Variants in NEGR1 observed in about 807,000 individuals in gnomAD.
NEGR1 encodes the protein IgLON family member 4.
A neutral mutation model predicts 40.9 loss-of-function variants in NEGR1; 10 were observed. The ratio of observed to expected loss-of-function variants is 0.24; its 90% CI spans 0.15 to 0.42. The LOEUF (loss-of-function observed/expected upper bound fraction) is 0.42. NEGR1 is among the 10% of genes least tolerant of loss of function. The pLI is 1.00. For missense variants in NEGR1, 352 were observed against 438.9 expected (o/e 0.80, Z 1.77); for synonymous variants, 185 against 166.8 (o/e 1.11, Z -0.84).
intron 6 of NEGR1, among the ~76,000 whole-genome samples, chr1:71,442,658 T>C (rs527653354): frequency 6.6e-6 from 1 of 152,240 alleles, no homozygotes; most frequent in African/African-American, 2.4e-5. Flanking sequence ...TTAATAAAAT[T>C]GAACATTTTC....
intron 3 of NEGR1, among the ~76,000 whole-genome samples, chr1:71,751,588 T>A (rs1655572059): frequency 6.6e-6 from 1 of 152,202 alleles, no homozygotes; most frequent in Non-Finnish European, 1.5e-5. Flanking sequence ...ACCCATTGGA[T>A]GTTAGTCAAA....
intron 1 of NEGR1, among the ~76,000 whole-genome samples, chr1:72,132,407 T>A (rs1478743542): frequency 2.0e-5 from 3 of 152,020 alleles, no homozygotes; most frequent in African/African-American, 7.2e-5. Context: ...CTTGGAAAAA[T>A]CCCTAAAAAT....
At chr1:72,098,657 T>A (rs1648806780) in intron 1 of NEGR1, among the ~76,000 whole-genome samples, 1 of 152,178 alleles carries the variant, frequency 6.6e-6, no homozygotes, top group Non-Finnish European at 1.5e-5. Flanking sequence ...ATTTTCCTAT[T>A]TTGAGTATCT....
chr1:71,835,429 T>C (rs1658992211), intron 2 of NEGR1, among the ~76,000 whole-genome samples: 1 of 152,158 alleles, frequency 6.6e-6, no homozygotes, highest in East Asian at 1.9e-4. Context: ...TGTTAGGATA[T>C]GCATAAGGGC....
In NEGR1 at chr1:72,238,242, A is replaced by C. The variant is rs1654623541; in HGVS notation, c.176+44077T>G. Among the ~76,000 whole-genome samples the C allele has an allele frequency of 2.0e-5, 3 of 151,892 alleles. 1 individual carries two copies. In the South Asian group the frequency reaches 6.2e-4, roughly 31 times the overall value. The stretch of plus-strand genomic sequence containing the variant: ...CCTTGGCACTGTGATGAGTGTTAAC[A>C]ATACCAAGCCCTGCCCTGAAGAATC... On this transcript the variant is annotated intron_variant, in intron 1 of 6. Coordinates refer to ENST00000357731, the MANE Select transcript of NEGR1 (RefSeq NM_173808.3).
intron 4 of NEGR1, among the ~76,000 whole-genome samples, chr1:71,622,494 C>T (rs187208064): frequency 4.2e-4 from 64 of 151,862 alleles, no homozygotes; most frequent in African/African-American, 9.9e-4. Context: ...AGATTAGAAA[C>T]GTGCAGACTC....
chr1:72,210,788 A>G (rs1473262005), intron 1 of NEGR1, among the ~76,000 whole-genome samples: 2 of 152,054 alleles, frequency 1.3e-5, no homozygotes, highest in East Asian at 3.9e-4. Flanking sequence ...ATGGTGAAAG[A>G]TGTATTCAAA....
chr1:71,769,475 G>A (rs1656242723), intron 3 of NEGR1, among the ~76,000 whole-genome samples: 1 of 152,156 alleles, frequency 6.6e-6, no homozygotes, highest in Admixed American at 6.5e-5. Context: ...ATCCCCATGT[G>A]TTGTTGGAAG....
At chr1:71,500,689 A>G (rs1008795470) in intron 6 of NEGR1, among the ~76,000 whole-genome samples, 2 of 152,000 alleles carry the variant, frequency 1.3e-5, no homozygotes, top group Non-Finnish European at 2.9e-5. Context: ...GCATCCATGG[A>G]GGATTGGATT....
chr1:71,737,364 T>C (rs2101671653), intron 3 of NEGR1, among the ~76,000 whole-genome samples: 1 of 151,918 alleles, frequency 6.6e-6, no homozygotes, highest in South Asian at 2.1e-4. Context: ...TTTTTTTTCC[T>C]TGGGAGGGAA....
intron 6 of NEGR1, among the ~76,000 whole-genome samples, chr1:71,540,061 C>T (rs1353724425): frequency 5.9e-5 from 9 of 151,622 alleles, no homozygotes; most frequent in Admixed American, 2.0e-4. Flanking sequence ...AAGTCAAAAG[C>T]GCATTGAAGA....
intron 1 of NEGR1, among the ~76,000 whole-genome samples, chr1:72,088,386 T>G (rs1399208291): frequency 6.6e-6 from 1 of 152,192 alleles, no homozygotes; most frequent in East Asian, 1.9e-4. Flanking sequence ...AAAAATTTAC[T>G]ATTCGGGCTA....
chr1:71,559,835 TAAA>T (rs35685892), intron 6 of NEGR1, among the ~76,000 whole-genome samples: 5,468 of 148,222 alleles, frequency 0.037, 307 homozygotes, highest in African/African-American at 0.12. Context: ...ATCATTCTGG[TAAA>T]AAAAAAAAAA....
chr1:71,898,980 G>GAATATATATA (rs1661062571), intron 2 of NEGR1, among the ~76,000 whole-genome samples: 3 of 10,880 alleles, frequency 2.8e-4, no homozygotes, highest in South Asian at 3.8e-3. Context: ...TATATATATA[G>GAATATATATA]CATATATATA....
At chr1:71,707,509 G>A (rs1379009413) in intron 3 of NEGR1, among the ~76,000 whole-genome samples, 1 of 152,158 alleles carries the variant, frequency 6.6e-6, no homozygotes, top group Admixed American at 6.5e-5. Flanking sequence ...ATACTTCTAA[G>A]GTTTCTGACT....
At chr1:72,118,250 T>C (rs1649656655) in intron 1 of NEGR1, among the ~76,000 whole-genome samples, 2 of 152,004 alleles carry the variant, frequency 1.3e-5, no homozygotes, top group East Asian at 1.9e-4. Flanking sequence ...ATAACATTAC[T>C]TGTGGCCAAA....
chr1:71,992,539 A>G (rs1646463355), intron 1 of NEGR1, among the ~76,000 whole-genome samples: 1 of 119,102 alleles, frequency 8.4e-6, no homozygotes, highest in Admixed American at 7.9e-5. Flanking sequence ...ATCTATCTCA[A>G]TATATCCAAG....
At chr1:71,579,167 G>T (rs1276091220) in intron 6 of NEGR1, among the ~76,000 whole-genome samples, 2 of 152,140 alleles carry the variant, frequency 1.3e-5, no homozygotes, top group Non-Finnish European at 2.9e-5. Flanking sequence ...GCTAGCATCT[G>T]CCTTTCTTTT....
intron 2 of NEGR1, among the ~76,000 whole-genome samples, chr1:71,844,494 C>T (rs773247059): frequency 3.9e-5 from 6 of 152,152 alleles, no homozygotes; most frequent in Non-Finnish European, 8.8e-5. Flanking sequence ...CTAAATCTTA[C>T]TGGTGATCCT....
Sources: allele counts gnomAD v4.1 joint callset (sites outside exome capture counted in the v4.1 genomes callset), GRCh38; gene constraint gnomAD v4.1.1; transcripts MANE v1.5; gene names NCBI Gene and HGNC (gene_info 2026-07-23, HGNC 2026-07-21).